Variants in PLCB4 observed in about 807,000 individuals in gnomAD.
PLCB4 encodes phospholipase C beta 4.
A neutral mutation model predicts 178.8 loss-of-function variants in PLCB4; 77 were observed. The ratio of observed to expected loss-of-function variants is 0.43; its 90% CI spans 0.36 to 0.52. The LOEUF is 0.52. Among genes scored for constraint, PLCB4 ranks in the 20% least tolerant of loss-of-function variants. PLCB4 has a pLI of 0.00. For synonymous variants in PLCB4, 496 were observed against 490.8 expected, an observed-to-expected ratio of 1.01 and a Z score of -0.14; for missense variants, 1,024 against 1,453.4, an observed-to-expected ratio of 0.70 and a Z score of 4.80.
chr20:9,100,075 G>A (rs1389363916), intron 2 of PLCB4, among the ~76,000 whole-genome samples: 2 of 152,146 alleles, frequency 1.3e-5, no homozygotes, highest in African/African-American at 4.8e-5. Flanking sequence ...GCACACTCAT[G>A]GGACTTCAGG....
intron 2 of PLCB4, among the ~76,000 whole-genome samples, chr20:9,159,737 G>A (rs1194234820): frequency 1.3e-5 from 2 of 152,144 alleles, no homozygotes; most frequent in East Asian, 3.9e-4. Flanking sequence ...CTTGATGAAA[G>A]TTTTTACAGA....
chr20:9,190,104 T>C (rs1275096818), intron 2 of PLCB4, among the ~76,000 whole-genome samples: 3 of 152,158 alleles, frequency 2.0e-5, no homozygotes, highest in Non-Finnish European at 4.4e-5. Context: ...GGTTCTTTCA[T>C]TTTAAGGAAA....
At chr20:9,443,954 G>A (rs777220768) in intron 30 of PLCB4, 27 bp from the exon 31 acceptor site, 2 of 1,355,752 alleles carry the variant, frequency 1.5e-6, no homozygotes, top group South Asian at 1.2e-5. Context: ...AGTATACATA[G>A]TGACTTAATT....
At position 9,198,340 on chromosome 20, in the gene PLCB4, C is replaced by A. The variant is rs570069189; in HGVS notation, c.-78-19050C>A. On this transcript the variant is annotated intron_variant, in intron 2 of 39. Coordinates refer to ENST00000378473, the MANE Select transcript of PLCB4 (RefSeq NM_001377142.1). ...AAAAATCACATAGTGTACTTTTGGTCAACATTTATCTTGCTGTAAAAATAG... is the reference window on the plus strand; with the variant it reads ...AAAAATCACATAGTGTACTTTTGGTAAACATTTATCTTGCTGTAAAAATAG... 9.9e-5 allele frequency among the ~76,000 whole-genome samples: 15 copies of A among 152,208 alleles called. No individual in the cohort carries two copies. The South Asian group carries it at 3.1e-3, about 32-fold the overall frequency.
intron 3 of PLCB4, among the ~76,000 whole-genome samples, chr20:9,294,549 T>C (rs1401756258): frequency 6.6e-6 from 1 of 152,198 alleles, no homozygotes; most frequent in African/African-American, 2.4e-5. Flanking sequence ...ATGGACTGTC[T>C]TTCTTACCCA....
chr20:9,371,335 GTTTA>G (rs746871657), intron 10 of PLCB4, 40 bp downstream of exon 10: 3 of 1,105,322 alleles, frequency 2.7e-6, no homozygotes, highest in Non-Finnish European at 4.1e-6. Flanking sequence ...AAACCATTTT[GTTTA>G]TTTATCTTCT....
intron 25 of PLCB4, among the ~76,000 whole-genome samples, chr20:9,415,910 C>G (rs1030394830): frequency 7.2e-5 from 11 of 152,176 alleles, no homozygotes; most frequent in African/African-American, 2.7e-4. Flanking sequence ...CCTGCACCCT[C>G]ACAGCCACCA....
At chr20:9,452,976 T>C (rs915140636) in intron 32 of PLCB4, among the ~76,000 whole-genome samples, 5 of 152,140 alleles carry the variant, frequency 3.3e-5, no homozygotes, top group Non-Finnish European at 7.4e-5. Flanking sequence ...GACCAATGTG[T>C]GGAAGGGGCA....
At chr20:9,188,633 GGTTGGTTAACTGTT>G (rs2093360820) in intron 2 of PLCB4, among the ~76,000 whole-genome samples, 1 of 138,968 alleles carries the variant, frequency 7.2e-6, no homozygotes, top group East Asian at 2.2e-4. Flanking sequence ...TGACATTCTG[GGTTGGTTAACTGTT>G]CATTGTGGAG....
chr20:9,212,729 A>AAT (rs1048994415), intron 2 of PLCB4, among the ~76,000 whole-genome samples: 1 of 152,174 alleles, frequency 6.6e-6, no homozygotes, highest in Non-Finnish European at 1.5e-5. Context: ...AAGACTTTTT[A>AAT]ATATATATAA....
rs571510330 is a variant in PLCB4 at position 9,397,890 on chromosome 20, T to A, written c.1510+2272T>A. On this transcript the variant is annotated intron_variant, in intron 19 of 39. Coordinates refer to ENST00000378473, the MANE Select transcript of PLCB4 (RefSeq NM_001377142.1). ...TTCTGTGGGTCATGTGGGCTTAGGT[T>A]GGTGGTTCTCCCTTGGGTTTCTCCT... is the stretch of plus-strand genomic sequence containing the variant. Among the ~76,000 whole-genome samples the A allele has an allele frequency of 2.0e-5, 3 of 152,314 alleles. No individual in the cohort carries two copies. In the East Asian group the frequency reaches 5.8e-4, roughly 29 times the overall value.
rs143705593 is a variant in PLCB4, at chr20:9,300,933, C to T, written c.-15-6867C>T. ...TTCTGTCACAGTTCTCGAGGCCAGACGTCTGACATCAAGGTATTTTCAGGG... is the reference window on the plus strand; with the variant it reads ...TTCTGTCACAGTTCTCGAGGCCAGATGTCTGACATCAAGGTATTTTCAGGG... On this transcript the variant is annotated intron_variant, in intron 3 of 39. Coordinates refer to ENST00000378473, the MANE Select transcript of PLCB4 (RefSeq NM_001377142.1). 3.9e-3 allele frequency among the ~76,000 whole-genome samples: 591 copies of T among 152,128 alleles called. 2 individuals carry two copies. The highest frequency in any genetic ancestry group is 6.0e-3 in the Non-Finnish European group (410 of 67,996).
chr20:9,407,498 T>C (rs2039533924), intron 21 of PLCB4, among the ~76,000 whole-genome samples: 1 of 152,004 alleles, frequency 6.6e-6, no homozygotes, highest in Non-Finnish European at 1.5e-5. Context: ...GCCTCCCAAG[T>C]AGCTGGAATT....
chr20:9,331,135 A>G (rs143836478), intron 4 of PLCB4, among the ~76,000 whole-genome samples: 2 of 152,252 alleles, frequency 1.3e-5, no homozygotes, highest in Non-Finnish European at 1.5e-5. Context: ...CAACCACTAC[A>G]AGGCCTGGAT....
chr20:9,162,900 C>T (rs774128594), intron 2 of PLCB4, among the ~76,000 whole-genome samples: 1 of 152,000 alleles, frequency 6.6e-6, no homozygotes, highest in Non-Finnish European at 1.5e-5. Context: ...CAGACCTTTC[C>T]GGGGGTATGC....
At chr20:9,440,066 C>CT (rs2042017333) in intron 30 of PLCB4, among the ~76,000 whole-genome samples, 1 of 152,184 alleles carries the variant, frequency 6.6e-6, no homozygotes, top group Non-Finnish European at 1.5e-5. Flanking sequence ...CTTGTGGACT[C>CT]TCATCTTTCA....
intron 1 of PLCB4, among the ~76,000 whole-genome samples, chr20:9,083,328 T>C (rs2090246007): frequency 6.6e-6 from 1 of 151,578 alleles, no homozygotes; most frequent in South Asian, 2.1e-4. Context: ...AGACACAGGG[T>C]ATGAGACCCT....
intron 1 of PLCB4, among the ~76,000 whole-genome samples, chr20:9,089,272 A>G (rs1392488097): frequency 6.6e-6 from 1 of 152,012 alleles, no homozygotes; most frequent in Non-Finnish European, 1.5e-5. Context: ...AAATATATTA[A>G]CATGTGCTTT....
intron 28 of PLCB4, among the ~76,000 whole-genome samples, chr20:9,426,246 C>G (rs1300953330): frequency 6.6e-6 from 1 of 152,094 alleles, no homozygotes; most frequent in Non-Finnish European, 1.5e-5. Flanking sequence ...CAGGTTTATT[C>G]TATAAAAAGT....
Sources: allele counts gnomAD v4.1 joint callset (sites outside exome capture counted in the v4.1 genomes callset), GRCh38; gene constraint gnomAD v4.1.1; transcripts MANE v1.5; gene names NCBI Gene and HGNC (gene_info 2026-07-23, HGNC 2026-07-21).